Variants in DPH6 observed in about 807,000 individuals in gnomAD.
The protein encoded by DPH6 is diphthamine biosynthesis 6.
In DPH6, 33 loss-of-function variants were observed where a neutral mutation model predicts 38.2. The observed-to-expected ratio is 0.86, with a 90% CI of 0.65 to 1.15. The LOEUF (loss-of-function observed/expected upper bound fraction) is 1.15. DPH6 is among the 50% of genes most tolerant of loss of function. The pLI is 0.00. For synonymous variants in DPH6, 108 were observed against 103.0 expected (o/e 1.05, Z -0.30); for missense variants, 325 against 320.0 (o/e 1.02, Z -0.12).
At chr15:35,393,066 G>C (rs1256564892) in intron 6 of DPH6, among the ~76,000 whole-genome samples, 2 of 152,210 alleles carry the variant, frequency 1.3e-5, no homozygotes, top group Non-Finnish European at 2.9e-5. Flanking sequence ...AACCCACGGA[G>C]AGGTTTTAAG....
At chr15:35,348,778 T>A (rs997042053) in intron 3 of DPH6, among the ~76,000 whole-genome samples, 2 of 152,170 alleles carry the variant, frequency 1.3e-5, no homozygotes, top group Non-Finnish European at 2.9e-5. Flanking sequence ...CAACCCATGA[T>A]CACGGGATGT....
chr15:35,392,674 G>A (rs992885708), intron 6 of DPH6, among the ~76,000 whole-genome samples: 3 of 152,136 alleles, frequency 2.0e-5, no homozygotes, highest in African/African-American at 7.2e-5. Flanking sequence ...ATTTAAATAA[G>A]CAATTACAAT....
intron 3 of DPH6, among the ~76,000 whole-genome samples, chr15:35,504,127 A>G (rs2054663524): frequency 6.6e-6 from 1 of 152,010 alleles, no homozygotes; most frequent in African/African-American, 2.4e-5. Flanking sequence ...TACAAAATAC[A>G]AATCTATCCA....
At chr15:35,273,938 G>A (rs1200437305) in intron 3 of DPH6, among the ~76,000 whole-genome samples, 2 of 152,144 alleles carry the variant, frequency 1.3e-5, no homozygotes, top group Admixed American at 1.3e-4. Flanking sequence ...AAAAGAGTCC[G>A]TATAGCCAAG....
chr15:35,189,987 TTC>T, the DPH6 span, among the ~76,000 whole-genome samples: 1 of 152,210 alleles, frequency 6.6e-6, no homozygotes, highest in Non-Finnish European at 1.5e-5. Context: ...GTGGTTACAT[TTC>T]TGTCTTCTTT....
the DPH6 span, among the ~76,000 whole-genome samples, chr15:35,164,887 T>C: frequency 1.3e-5 from 2 of 151,936 alleles, no homozygotes; most frequent in Non-Finnish European, 2.9e-5. Flanking sequence ...TCTATGTTAA[T>C]GCCACTATAG....
chr15:35,459,418 C>G (rs1235442022), intron 3 of DPH6, among the ~76,000 whole-genome samples: 1 of 152,132 alleles, frequency 6.6e-6, no homozygotes, highest in East Asian at 1.9e-4. Flanking sequence ...AAAGGAGATC[C>G]AAATACCATC....
At chr15:35,377,460 AAGAG>A (rs2052796999) in intron 7 of DPH6, among the ~76,000 whole-genome samples, 1 of 152,200 alleles carries the variant, frequency 6.6e-6, no homozygotes, top group Non-Finnish European at 1.5e-5. Flanking sequence ...TGTATACATG[AAGAG>A]AGAGAAGAAA....
intron 3 of DPH6, among the ~76,000 whole-genome samples, chr15:35,252,597 C>T (rs150636318): frequency 3.9e-5 from 6 of 152,312 alleles, no homozygotes; most frequent in Middle Eastern, 3.4e-3. Context: ...GGTTATATAA[C>T]GTGACACAGT....
chr15:35,421,987 G>A (rs894261715), intron 5 of DPH6, among the ~76,000 whole-genome samples: 3 of 151,964 alleles, frequency 2.0e-5, no homozygotes, highest in African/African-American at 7.2e-5. Context: ...AGCAGCATAT[G>A]GTAGGTAAGA....
chr15:35,290,957 C>T (rs760505623), intron 3 of DPH6, among the ~76,000 whole-genome samples: 4 of 152,038 alleles, frequency 2.6e-5, no homozygotes, highest in Non-Finnish European at 4.4e-5. Context: ...ACAATATCCA[C>T]CATGTAACTT....
chr15:35,422,382 A>G (rs2053516959), intron 5 of DPH6, among the ~76,000 whole-genome samples: 1 of 151,978 alleles, frequency 6.6e-6, no homozygotes, highest in African/African-American at 2.4e-5. Flanking sequence ...GAAATGTTCA[A>G]AATGCAAATC....
the DPH6 span, among the ~76,000 whole-genome samples, chr15:35,158,492 A>G: frequency 6.6e-6 from 1 of 152,084 alleles, no homozygotes; most frequent in East Asian, 1.9e-4. Flanking sequence ...TTGAAACTCA[A>G]AAGTGCCAAT....
chr15:35,311,607 C>T (rs1213448627), intron 3 of DPH6, among the ~76,000 whole-genome samples: 1 of 151,952 alleles, frequency 6.6e-6, no homozygotes, highest in Non-Finnish European at 1.5e-5. Flanking sequence ...ACACAGAGAG[C>T]GAGAGAGACA....
chr15:35,469,072 A>AAACAACAACAACAAC lies in DPH6; in HGVS notation c.313-14267_313-14253dup, dbSNP rs10649323. Reference sequence around the variant, plus strand: ...GCAACAAGAGCAAAACTCTGCTTCAAAACAACAACAACAACAACAACAACA... The same window carrying AAACAACAACAACAAC: ...GCAACAAGAGCAAAACTCTGCTTCAAAACAACAACAACAACAACAACAACAACAACAACAACAACA... On this transcript the variant is annotated intron_variant, in intron 3 of 8. Transcript: ENST00000256538. 1.7e-3 allele frequency among the ~76,000 whole-genome samples: 247 copies of AAACAACAACAACAAC among 149,160 alleles called. 1 individual carries two copies. The highest frequency in any genetic ancestry group is 5.7e-3 in the African/African-American group (230 of 40,400).
intron 3 of DPH6, among the ~76,000 whole-genome samples, chr15:35,531,654 G>A (rs1033755495): frequency 2.0e-5 from 3 of 152,010 alleles, no homozygotes; most frequent in Non-Finnish European, 2.9e-5. Context: ...TTGTATTTTA[G>A]TACAGACGAG....
At chr15:35,467,548 A>AT (rs2054142601) in intron 3 of DPH6, among the ~76,000 whole-genome samples, 1 of 152,232 alleles carries the variant, frequency 6.6e-6, no homozygotes. Flanking sequence ...CCTTGGCAAC[A>AT]GGGTGAGACT....
chr15:35,371,907 G>A lies in DPH6; in HGVS notation c.*243C>T. ...GAAATAAAAGAAAAAAAAGGTCATA[G>A]GGAAGATGTGTTAACGAAAGAGAAA... On this transcript the variant is annotated 3_prime_UTR_variant, in exon 9 of 9. Transcript: ENST00000256538. 3 of 1,197,428 alleles carry A rather than the reference G, an allele frequency of 2.5e-6. No individual in the cohort carries two copies. The highest frequency in any genetic ancestry group is 3.1e-6 in the Non-Finnish European group (3 of 958,678). 74.2% of individuals were successfully genotyped at this position (1,197,428 alleles called of 1,614,324 possible). A position where few individuals can be genotyped will look rare whatever the true frequency, so the allele number is the denominator to read the frequency against.
intron 3 of DPH6, chr15:35,489,731 T>C (rs2054451468): frequency 3.1e-6 from 3 of 980,406 alleles, no homozygotes; most frequent in East Asian, 2.3e-4. Context: ...CCATTTTTTC[T>C]GGAACAGTAT....
Sources: gnomAD v4.1 joint callset for allele counts (sites outside exome capture counted in the v4.1 genomes callset) on GRCh38, gnomAD v4.1.1 for gene constraint, MANE v1.5 for transcripts, NCBI Gene and HGNC (gene_info 2026-07-23, HGNC 2026-07-21) for gene names.